Variants in JPT1 observed in about 807,000 individuals in gnomAD.
The protein encoded by JPT1 is androgen-regulated protein 2.
A neutral mutation model predicts 17.0 loss-of-function variants in JPT1; 5 were observed. The observed-to-expected ratio is 0.29, with a 90% CI of 0.15 to 0.62. JPT1 has a LOEUF of 0.62. Ranked by LOEUF, JPT1 falls within the 20% of genes least tolerant of loss-of-function variation. The pLI is 0.85. For missense variants in JPT1, 158 were observed against 188.1 expected (o/e 0.84, Z 0.94); for synonymous variants, 71 against 73.6 (o/e 0.96, Z 0.18).
At chr17:75,144,083 G>A (rs1272285707) in intron 4 of JPT1, among the ~76,000 whole-genome samples, 1 of 152,102 alleles carries the variant, frequency 6.6e-6, no homozygotes, top group Non-Finnish European at 1.5e-5. Flanking sequence ...TGTGGAAGCT[G>A]ACAGGAAGGT....
At chr17:75,139,484 A>C in intron 4 of JPT1, among the ~76,000 whole-genome samples, 1 of 152,134 alleles carries the variant, frequency 6.6e-6, no homozygotes, top group Non-Finnish European at 1.5e-5. Flanking sequence ...AAAATAAAAA[A>C]GCACCTATGG....
chr17:75,136,950 A>G (rs2074210284), intron 4 of JPT1, among the ~76,000 whole-genome samples: 1 of 152,198 alleles, frequency 6.6e-6, no homozygotes, highest in African/African-American at 2.4e-5. Context: ...GTAGCCAGAT[A>G]ACATGTAACA....
chr17:75,148,575 G>C lies in JPT1; in HGVS notation c.153C>G (p.Ile51Met). 1 of 1,614,164 alleles carries C rather than the reference G, an allele frequency of 6.2e-7. No individual in the cohort carries two copies. ...CTTGATTTTCTTCAGGTGTCCCAAA[G>C]ATATTAGAGGCCATTTTGTTCTTCC... ...PVRKNKMASNIFGTPEENQAS... is the reference protein window; with the variant it reads ...PVRKNKMASNMFGTPEENQAS... Residue 51 changes from isoleucine to methionine, a missense_variant, in exon 2 of 5, where the codon ATC becomes ATG. Transcript: ENST00000409753.
intron 4 of JPT1, among the ~76,000 whole-genome samples, chr17:75,136,655 C>T (rs1011092400): frequency 5.3e-5 from 8 of 152,208 alleles, no homozygotes; most frequent in African/African-American, 1.9e-4. Context: ...CCATGCCCGG[C>T]TAATTCTTGT....
chr17:75,149,958 A>T (rs2074516449), intron 1 of JPT1, among the ~76,000 whole-genome samples: 1 of 152,144 alleles, frequency 6.6e-6, no homozygotes, highest in East Asian at 1.9e-4. Flanking sequence ...CTCACTAAAA[A>T]GCCATTTACA....
intron 1 of JPT1, among the ~76,000 whole-genome samples, chr17:75,151,406 C>A (rs2074550649): frequency 6.6e-6 from 1 of 151,752 alleles, no homozygotes; most frequent in Non-Finnish European, 1.5e-5. Flanking sequence ...GCCTGTAATC[C>A]TAGCACTTTG....
chr17:75,136,288 C>G (rs1290810104), intron 4 of JPT1, 38 bp from the exon 5 acceptor site: 2 of 1,506,386 alleles, frequency 1.3e-6, no homozygotes, highest in Non-Finnish European at 1.8e-6. Context: ...CTCATAATGA[C>G]AGCCATTTCC....
intron 4 of JPT1, among the ~76,000 whole-genome samples, chr17:75,140,339 G>A (rs916400749): frequency 6.6e-6 from 1 of 151,926 alleles, no homozygotes; most frequent in Non-Finnish European, 1.5e-5. Context: ...AGACACTCCT[G>A]GTCTCTTTTC....
intron 4 of JPT1, among the ~76,000 whole-genome samples, chr17:75,140,162 CACCTCAG>C (rs1195332224): frequency 6.6e-6 from 1 of 151,986 alleles, no homozygotes; most frequent in African/African-American, 2.4e-5. Context: ...ATGATCCGCA[CACCTCAG>C]CCTCCCGAAG....
intron 4 of JPT1, among the ~76,000 whole-genome samples, chr17:75,139,935 T>C (rs1324330273): frequency 6.6e-6 from 1 of 151,452 alleles, no homozygotes; most frequent in Non-Finnish European, 1.5e-5. Flanking sequence ...TTCAGAAACT[T>C]TGATTTATTT....
intron 2 of JPT1, chr17:75,148,077 TCTTAAGGAAGTTAAG>T: frequency 4.4e-6 from 1 of 227,764 alleles, no homozygotes; most frequent in South Asian, 7.6e-5. Context: ...GAGGAAACAG[TCTTAAGGAAGTTAAG>T]CTGATCACTT....
At chr17:75,145,370 C>T (rs2074406217) in intron 4 of JPT1, 1 of 152,162 alleles carries the variant, frequency 6.6e-6, no homozygotes, top group Non-Finnish European at 1.5e-5. Flanking sequence ...CTGCTACTGC[C>T]TGACACTTAC....
At chr17:75,145,286 T>A (rs1048064471) in intron 4 of JPT1, 1 of 150,826 alleles carries the variant, frequency 6.6e-6, no homozygotes, top group Admixed American at 6.6e-5. Flanking sequence ...AACATAAGGG[T>A]AGGAAAAGGC....
chr17:75,136,190 G>C lies in JPT1; in HGVS notation c.377C>G (p.Ala126Gly), dbSNP rs753254509. The C allele has an allele frequency of 6.2e-7, 1 of 1,613,744 alleles. No individual in the cohort carries two copies. The highest frequency in any genetic ancestry group is 2.2e-5 in the East Asian group (1 of 44,878). ...GGCCACCGGGCTGGGCACAGGCGCA[G>C]CAGGCACGGGCTTCTCTTCACTCTG... Reference protein sequence around the residue: ...LGQSEEKPVPAAPVPSPVAPA... With the variant: ...LGQSEEKPVPGAPVPSPVAPA... The change falls in exon 5 of 5, where the codon GCT becomes GGT. Residue 126 changes from alanine (A) to glycine (G), a missense_variant. Physicochemically the swap from Ala to Gly is moderately conservative, Grantham distance 60. Coordinates refer to ENST00000409753, the MANE Select transcript of JPT1 (RefSeq NM_016185.4).
At chr17:75,141,902 C>T (rs1226512272) in intron 4 of JPT1, among the ~76,000 whole-genome samples, 2 of 151,878 alleles carry the variant, frequency 1.3e-5, no homozygotes, top group African/African-American at 4.8e-5. Context: ...AACTCCGTCT[C>T]TACTAAAAGT....
chr17:75,148,498 T>C (rs1311739795), intron 2 of JPT1, 31 bp downstream of exon 2: 2 of 1,612,890 alleles, frequency 1.2e-6, no homozygotes, highest in East Asian at 4.5e-5. Context: ...GGCCCATCCC[T>C]TTGAACAGTG....
intron 4 of JPT1, among the ~76,000 whole-genome samples, chr17:75,140,419 T>C (rs998868325): frequency 1.3e-5 from 2 of 152,140 alleles, no homozygotes; most frequent in African/African-American, 4.8e-5. Flanking sequence ...ATTGTAAGCA[T>C]CAAAGAATCA....
rs370016046 is a variant in JPT1, at chr17:75,135,963, G to GAAA, written c.*136_*138dup. The GAAA allele has an allele frequency of 8.4e-6, 10 of 1,185,574 alleles. No homozygotes were observed. The highest frequency in any genetic ancestry group is 4.5e-5 in the South Asian group (3 of 66,414). The allele number at this position is 1,185,574 out of a possible 1,614,324, so 73.4% of individuals were successfully genotyped here. A position where few individuals can be genotyped will look rare whatever the true frequency, so the allele number is the denominator to read the frequency against. ...ACAGAGAGAAACCTGTTCTTCAAAAGAAAAAAAAAAAAGACAGCAGTACAT... is the reference window on the plus strand; with the variant it reads ...ACAGAGAGAAACCTGTTCTTCAAAAGAAAAAAAAAAAAAAAGACAGCAGTACAT... On this transcript the variant is annotated 3_prime_UTR_variant, in exon 5 of 5. Coordinates refer to ENST00000409753, the MANE Select transcript of JPT1 (RefSeq NM_016185.4).
At chr17:75,151,676 TAAAAA>T (rs569963358) in intron 1 of JPT1, among the ~76,000 whole-genome samples, 95 of 145,282 alleles carry the variant, frequency 6.5e-4, no homozygotes, top group African/African-American at 2.4e-3. Flanking sequence ...ATAAATTAAT[TAAAAA>T]AAATAAGGCA....
Sources: gnomAD v4.1 joint callset for allele counts (sites outside exome capture counted in the v4.1 genomes callset) on GRCh38, gnomAD v4.1.1 for gene constraint, MANE v1.5 for transcripts, NCBI Gene and HGNC (gene_info 2026-07-23, HGNC 2026-07-21) for gene names.